Variants in EFNA5 observed in about 807,000 individuals in gnomAD.
EFNA5 encodes the protein ephrin A5.
Under a neutral mutation model 22.9 loss-of-function variants are expected in EFNA5, and 5 were observed. That is an observed-to-expected ratio of 0.22 (90% CI 0.11 to 0.46). The LOEUF (loss-of-function observed/expected upper bound fraction) is 0.46. EFNA5 is among the 20% of genes least tolerant of loss of function. The pLI is 0.99. For synonymous variants in EFNA5, 113 were observed against 112.2 expected (o/e 1.01, Z -0.04); for missense variants, 237 against 293.3 (o/e 0.81, Z 1.40).
At chr5:107,436,188 G>A (rs1468569846) in intron 1 of EFNA5, among the ~76,000 whole-genome samples, 1 of 152,194 alleles carries the variant, frequency 6.6e-6, no homozygotes, top group South Asian at 2.1e-4. Context: ...AAAGGCCCAG[G>A]CCCACATAAT....
intron 1 of EFNA5, among the ~76,000 whole-genome samples, chr5:107,430,049 A>G (rs544020619): frequency 6.6e-6 from 1 of 152,338 alleles, no homozygotes; most frequent in East Asian, 1.9e-4. Context: ...CCCAAACTAC[A>G]TAACCATTTT....
At chr5:107,396,409 G>T (rs939417208) in intron 2 of EFNA5, among the ~76,000 whole-genome samples, 3 of 152,256 alleles carry the variant, frequency 2.0e-5, no homozygotes, top group Admixed American at 2.0e-4. Context: ...AGAAACTCAG[G>T]TGATCCCTAC....
chr5:107,492,066 C>G (rs1207208594), intron 1 of EFNA5, among the ~76,000 whole-genome samples: 1 of 152,110 alleles, frequency 6.6e-6, no homozygotes, highest in African/African-American at 2.4e-5. Flanking sequence ...AACTCTTGGC[C>G]TCAAGTAATC....
chr5:107,660,274 AT>A (rs57858036), intron 1 of EFNA5, among the ~76,000 whole-genome samples: 12,662 of 50,124 alleles, frequency 0.25, 1,145 homozygotes, highest in East Asian at 0.37. Flanking sequence ...ATATATATAT[AT>A]ATATATATAT....
intron 1 of EFNA5, among the ~76,000 whole-genome samples, chr5:107,486,412 A>G (rs1273019775): frequency 6.6e-6 from 1 of 152,222 alleles, no homozygotes; most frequent in African/African-American, 2.4e-5. Context: ...CACCCATAAG[A>G]AAGAACTTAT....
chr5:107,616,434 C>T (rs967312592), intron 1 of EFNA5, among the ~76,000 whole-genome samples: 1 of 152,154 alleles, frequency 6.6e-6, no homozygotes, highest in African/African-American at 2.4e-5. Context: ...AGAGAGCAGC[C>T]TGGGACTTGA....
At chr5:107,663,028 T>C (rs1263549206) in intron 1 of EFNA5, among the ~76,000 whole-genome samples, 2 of 152,096 alleles carry the variant, frequency 1.3e-5, no homozygotes, top group Non-Finnish European at 2.9e-5. Flanking sequence ...AGTTAAAACA[T>C]CCTTTTCTGT....
At chr5:107,408,538 G>C (rs1410118655) in intron 2 of EFNA5, among the ~76,000 whole-genome samples, 2 of 152,246 alleles carry the variant, frequency 1.3e-5, no homozygotes, top group East Asian at 3.9e-4. Flanking sequence ...AAATGATATA[G>C]ACCTGTTCAG....
intron 1 of EFNA5, among the ~76,000 whole-genome samples, chr5:107,589,841 C>G (rs747713746): frequency 1.3e-5 from 2 of 152,096 alleles, no homozygotes; most frequent in Non-Finnish European, 2.9e-5. Flanking sequence ...GAGTTTTACC[C>G]GTGTGCTAAG....
At chr5:107,432,139 TAAACTGGAAA>T (rs1748978859) in intron 1 of EFNA5, among the ~76,000 whole-genome samples, 1 of 152,210 alleles carries the variant, frequency 6.6e-6, no homozygotes, top group Non-Finnish European at 1.5e-5. Flanking sequence ...CCCAAACTCC[TAAACTGGAAA>T]GCTGAGGGGT....
chr5:107,492,032 G>A (rs541814955), intron 1 of EFNA5, among the ~76,000 whole-genome samples: 3 of 151,968 alleles, frequency 2.0e-5, no homozygotes, highest in South Asian at 2.1e-4. Context: ...ACAGGGTTTC[G>A]CCATATTGGC....
intron 1 of EFNA5, among the ~76,000 whole-genome samples, chr5:107,514,240 T>C (rs1227975670): frequency 1.3e-5 from 2 of 152,164 alleles, no homozygotes; most frequent in Non-Finnish European, 2.9e-5. Flanking sequence ...GGGCTCCTCA[T>C]CAGGTAGAGG....
In EFNA5 at chr5:107,661,115, A is replaced by T. The variant is rs1468918237; in HGVS notation, c.125+9374T>A. On this transcript the variant is annotated intron_variant, in intron 1 of 4. Coordinates refer to ENST00000333274, the MANE Select transcript of EFNA5 (RefSeq NM_001962.3). ...AAACCACTGCTTTCATCTGTCTGTT[A>T]AAAAAAAAAAAAAGAAGAAGAAGAA... Among the ~76,000 whole-genome samples the T allele has an allele frequency of 3.3e-5, 4 of 122,880 alleles. No homozygotes were observed. In the South Asian group the frequency reaches 1.2e-3, roughly 36 times the overall value. 80.6% of individuals were successfully genotyped at this position (122,880 alleles called of 152,430 possible). A position where few individuals can be genotyped will look rare whatever the true frequency, so the allele number is the denominator to read the frequency against.
At chr5:107,461,260 C>T (rs1038755866) in intron 1 of EFNA5, among the ~76,000 whole-genome samples, 2 of 152,114 alleles carry the variant, frequency 1.3e-5, no homozygotes, top group Non-Finnish European at 2.9e-5. Flanking sequence ...GTTAAAATAT[C>T]CATAATCACA....
At chr5:107,414,909 T>C (rs1748463743) in intron 2 of EFNA5, among the ~76,000 whole-genome samples, 1 of 152,146 alleles carries the variant, frequency 6.6e-6, no homozygotes, top group Admixed American at 6.5e-5. Context: ...TAAAGGATAT[T>C]AATATCTCTG....
At chr5:107,625,944 C>T (rs896225680) in intron 1 of EFNA5, among the ~76,000 whole-genome samples, 2 of 152,146 alleles carry the variant, frequency 1.3e-5, no homozygotes, top group Non-Finnish European at 2.9e-5. Flanking sequence ...AACAAATCTC[C>T]TCATTACTAT....
At position 107,670,527 on chromosome 5, in the gene EFNA5, G is replaced by C. The variant is rs763595655; in HGVS notation, c.87C>G (p.Ala29=). Residue 29 remains alanine, a synonymous_variant, in exon 1 of 5, where the codon GCC becomes GCG. Transcript: ENST00000333274. The part of the protein sequence containing the change: ...FSQDPGSKAV[A]DRYAVYWNSS... ...TGTTCCAGTAGACAGCGTAGCGGTC[G>C]GCGACGGCCTTGGAGCCCGGGTCCT... 2.1e-5 allele frequency: 33 copies of C among 1,583,404 alleles called. No homozygotes were observed. The highest frequency in any genetic ancestry group is 2.7e-5 in the Non-Finnish European group (32 of 1,164,240).
intron 1 of EFNA5, among the ~76,000 whole-genome samples, chr5:107,565,890 G>A (rs1300099040): frequency 6.6e-6 from 1 of 152,140 alleles, no homozygotes; most frequent in Admixed American, 6.5e-5. Flanking sequence ...TTTACATGAC[G>A]CTGCATAATT....
chr5:107,444,075 T>C (rs928064947), intron 1 of EFNA5, among the ~76,000 whole-genome samples: 2 of 152,006 alleles, frequency 1.3e-5, no homozygotes, highest in East Asian at 3.9e-4. Context: ...GGACACAGCA[T>C]GCTGAGTGCT....
Sources: gnomAD v4.1 joint callset for allele counts (sites outside exome capture counted in the v4.1 genomes callset) on GRCh38, gnomAD v4.1.1 for gene constraint, MANE v1.5 for transcripts, NCBI Gene and HGNC (gene_info 2026-07-23, HGNC 2026-07-21) for gene names.